TTC7B: variants seen among roughly 807,000 people sequenced by gnomAD.
TTC7B encodes tetratricopeptide repeat protein 7B.
TTC7B carries 28 observed loss-of-function variants against 106.8 expected under a neutral mutation model. The observed-to-expected ratio is 0.26, with a 90% confidence interval of 0.19 to 0.36. TTC7B has a LOEUF of 0.36. Ranked by LOEUF, TTC7B falls within the 10% of genes least tolerant of loss-of-function variation. TTC7B has a pLI of 1.00. For synonymous variants in TTC7B, 405 were observed against 430.6 expected (o/e 0.94, Z 0.74); for missense variants, 862 against 1,076.4 (o/e 0.80, Z 2.79).
At chr14:90,611,285 A>T (rs1264369224) in intron 16 of TTC7B, among the ~76,000 whole-genome samples, 3 of 152,118 alleles carry the variant, frequency 2.0e-5, no homozygotes, top group Non-Finnish European at 4.4e-5. Flanking sequence ...TGCACGGAAA[A>T]ATCACCCAGG....
At chr14:90,715,800 AC>A (rs1441855692) in intron 5 of TTC7B, among the ~76,000 whole-genome samples, 2 of 152,020 alleles carry the variant, frequency 1.3e-5, no homozygotes, top group East Asian at 3.9e-4. Flanking sequence ...TTCTCCCAAG[AC>A]CCCTGTCAGA....
chr14:90,648,540 C>T (rs1248035201), intron 13 of TTC7B: 4 of 152,114 alleles, frequency 2.6e-5, no homozygotes, highest in East Asian at 1.9e-4. Context: ...TTTGTAGACC[C>T]GGGGTTTCAA....
intron 9 of TTC7B, among the ~76,000 whole-genome samples, chr14:90,665,904 T>C (rs115250645): frequency 0.01 from 1,564 of 152,350 alleles, 23 homozygotes; most frequent in African/African-American, 0.036. Flanking sequence ...ATACAAAATA[T>C]TTCACTTTGT....
chr14:90,585,034 G>C (rs1891657322), intron 18 of TTC7B, among the ~76,000 whole-genome samples: 2 of 152,148 alleles, frequency 1.3e-5, no homozygotes, highest in African/African-American at 4.8e-5. Context: ...AGAAGGGTTA[G>C]CAAGTGGAAG....
chr14:90,771,459 T>C (rs555702079), intron 3 of TTC7B, among the ~76,000 whole-genome samples: 1 of 152,118 alleles, frequency 6.6e-6, no homozygotes, highest in Non-Finnish European at 1.5e-5. Flanking sequence ...CCAGGTGTGG[T>C]GGCACATGCC....
intron 19 of TTC7B, among the ~76,000 whole-genome samples, chr14:90,559,428 A>G (rs1890473498): frequency 6.6e-6 from 1 of 152,220 alleles, no homozygotes; most frequent in Non-Finnish European, 1.5e-5. Flanking sequence ...GCCAGAGGGC[A>G]CTGGCGGGGC....
chr14:90,812,586 C>T lies in TTC7B; in HGVS notation c.121+3589G>A, dbSNP rs761893372. 5.9e-5 allele frequency among the ~76,000 whole-genome samples: 9 copies of T among 152,296 alleles called. No individual in the cohort carries two copies. The East Asian group carries it at 1.7e-3, about 29-fold the overall frequency. Reference sequence around the variant, plus strand: ...CCCTGCCACTCATCCCCAGGCCACACTTCAGCCCACGAGGGCCTAGGCTTC... The same window carrying T: ...CCCTGCCACTCATCCCCAGGCCACATTTCAGCCCACGAGGGCCTAGGCTTC... On this transcript the variant is annotated intron_variant, in intron 1 of 19. Coordinates refer to ENST00000328459, the MANE Select transcript of TTC7B (RefSeq NM_001010854.2).
chr14:90,632,441 A>T (rs948219767), intron 15 of TTC7B, among the ~76,000 whole-genome samples: 8 of 152,342 alleles, frequency 5.3e-5, no homozygotes, highest in Admixed American at 2.0e-4. Flanking sequence ...TCACTTGCCA[A>T]GTAATGATTT....
intron 17 of TTC7B, among the ~76,000 whole-genome samples, chr14:90,596,631 T>C (rs1321712775): frequency 6.6e-6 from 1 of 152,202 alleles, no homozygotes; most frequent in Non-Finnish European, 1.5e-5. Context: ...CATTTCTCCC[T>C]ACAATAAGTG....
intron 3 of TTC7B, among the ~76,000 whole-genome samples, chr14:90,774,219 G>T (rs1038977840): frequency 6.6e-6 from 1 of 152,170 alleles, no homozygotes; most frequent in Non-Finnish European, 1.5e-5. Flanking sequence ...GTCTGTAGCC[G>T]CTCCGCTCAC....
At chr14:90,724,465 G>A (rs918844140) in intron 5 of TTC7B, among the ~76,000 whole-genome samples, 4 of 152,152 alleles carry the variant, frequency 2.6e-5, no homozygotes, top group Non-Finnish European at 4.4e-5. Context: ...GACCGTAGGG[G>A]TGAATTTCTC....
rs1889790427 is a variant in TTC7B, at chr14:90,742,125, C to T, written c.576+2667G>A. 6.6e-6 allele frequency among the ~76,000 whole-genome samples: 1 copy of T among 152,070 alleles called. No homozygotes were observed. The highest frequency in any genetic ancestry group is 1.9e-4 in the East Asian group (1 of 5,200). Reference sequence around the variant, plus strand: ...GTACAATCATAGCTCACTGCAACCTCGAACTTCTGGGCTCAAGCAATCCTC... The same window carrying T: ...GTACAATCATAGCTCACTGCAACCTTGAACTTCTGGGCTCAAGCAATCCTC... On this transcript the variant is annotated intron_variant, in intron 4 of 19. Coordinates refer to ENST00000328459, the MANE Select transcript of TTC7B (RefSeq NM_001010854.2). This position sits in a 1 kb window ranked among gnomAD's most constrained non-coding sequence, Gnocchi z 4.1.
intron 3 of TTC7B, among the ~76,000 whole-genome samples, chr14:90,745,949 C>T (rs1468027553): frequency 1.3e-5 from 2 of 151,548 alleles, no homozygotes; most frequent in East Asian, 3.9e-4. Flanking sequence ...GTGATCTGCC[C>T]GACTCAGCCT....
At chr14:90,593,766 C>T (rs1391264822) in intron 17 of TTC7B, 140 bp from the exon 18 acceptor site, 10 of 857,660 alleles carry the variant, frequency 1.2e-5, no homozygotes, top group Admixed American at 3.6e-5. Context: ...CACAGAGAAA[C>T]GCGGGCAATC....
At chr14:90,680,395 T>C in intron 8 of TTC7B, 77 bp downstream of exon 8, 1 of 1,083,184 alleles carries the variant, frequency 9.2e-7, no homozygotes, top group Non-Finnish European at 1.4e-6. Flanking sequence ...AGAGTCATGA[T>C]ACTGGCAGAA....
chr14:90,728,345 A>AG (rs1471436393), intron 5 of TTC7B, among the ~76,000 whole-genome samples: 1 of 149,402 alleles, frequency 6.7e-6, no homozygotes, highest in East Asian at 1.9e-4. Context: ...CGCAAAAAAA[A>AG]AAAAAAAAAA....
At chr14:90,648,876 A>G (rs1885591098) in intron 13 of TTC7B, 1 of 152,258 alleles carries the variant, frequency 6.6e-6, no homozygotes, top group South Asian at 2.1e-4. Context: ...TAATAAATTT[A>G]CAGAACCCTC....
intron 9 of TTC7B, among the ~76,000 whole-genome samples, chr14:90,669,521 C>G (rs1886549861): frequency 6.8e-6 from 1 of 148,054 alleles, no homozygotes; most frequent in East Asian, 2.0e-4. Context: ...CTGATTTCTA[C>G]AGTCTCGTCT....
At chr14:90,656,273 T>C (rs1007822746) in intron 11 of TTC7B, among the ~76,000 whole-genome samples, 5 of 152,232 alleles carry the variant, frequency 3.3e-5, no homozygotes, top group Non-Finnish European at 7.3e-5. Flanking sequence ...GTTTGTAAGA[T>C]GCTTCGGTCT....
Sources: gnomAD v4.1 joint callset for allele counts (sites outside exome capture counted in the v4.1 genomes callset) on GRCh38, gnomAD v4.1.1 for gene constraint, Gnocchi (gnomAD v3.1) non-coding constraint, MANE v1.5 for transcripts, NCBI Gene and HGNC (gene_info 2026-07-23, HGNC 2026-07-21) for gene names.